TMPRSS12: variants seen among roughly 807,000 people sequenced by gnomAD.
The protein encoded by TMPRSS12 is transmembrane protease serine 12.
In TMPRSS12, 25 loss-of-function variants were observed where a neutral mutation model predicts 26.0. The observed-to-expected ratio is 0.96, with a 90% CI of 0.70 to 1.34. TMPRSS12 has a LOEUF of 1.34. TMPRSS12 is among the 40% of genes most tolerant of loss of function. The probability of loss-of-function intolerance (pLI) is 0.00; values close to 1 mark genes in which losing one functional copy is unlikely to be tolerated. For missense variants in TMPRSS12, 441 were observed against 440.1 expected (o/e 1.00, Z -0.02); for synonymous variants, 150 against 161.7 (o/e 0.93, Z 0.55).
intron 2 of TMPRSS12, among the ~76,000 whole-genome samples, chr12:50,854,780 A>G (rs958292836): frequency 3.3e-5 from 5 of 152,222 alleles, no homozygotes; most frequent in South Asian, 2.1e-4. Flanking sequence ...CTCTACAAAA[A>G]GAATTATAAA....
At chr12:50,851,735 A>G (rs77777050) in intron 2 of TMPRSS12, among the ~76,000 whole-genome samples, 10,606 of 152,290 alleles carry the variant, frequency 0.07, 403 homozygotes, top group Middle Eastern at 0.12. Flanking sequence ...TCCCCAAGAC[A>G]TATAGTCATC....
intron 4 of TMPRSS12, chr12:50,887,029 T>C: frequency 2.2e-6 from 1 of 452,992 alleles, no homozygotes; most frequent in Non-Finnish European, 3.9e-6. Context: ...ACCAGGCAGA[T>C]GAGAAATTTA....
chr12:50,857,430 C>G (rs1937888957), intron 2 of TMPRSS12, among the ~76,000 whole-genome samples: 1 of 106,882 alleles, frequency 9.4e-6, no homozygotes. Context: ...ATAAGAGTAC[C>G]CTTGTTCCTC....
At chr12:50,874,424 T>C (rs919574887) in intron 3 of TMPRSS12, among the ~76,000 whole-genome samples, 1 of 152,002 alleles carries the variant, frequency 6.6e-6, no homozygotes, top group African/African-American at 2.4e-5. Context: ...TGAAAATCAA[T>C]AAAATAAAAT....
intron 2 of TMPRSS12, among the ~76,000 whole-genome samples, chr12:50,851,152 C>G (rs1937822928): frequency 6.6e-6 from 1 of 152,198 alleles, no homozygotes; most frequent in Admixed American, 6.5e-5. Flanking sequence ...GCCAGAGTTT[C>G]TTCTTATCTC....
Position 50,847,004 on chromosome 12 carries a change from C to CAA in TMPRSS12, c.383+2977_383+2978dup, listed in dbSNP as rs533581364. ...TTTAGGATGGGTTTTTCTGTTTCTG[C>CAA]AAAAAAAAAAATGTCATTGGGATTT... On this transcript the variant is annotated intron_variant, in intron 2 of 4. Transcript: ENST00000398458. Among the ~76,000 whole-genome samples the CAA allele has an allele frequency of 3.6e-3, 455 of 124,974 alleles. 2 individuals carry two copies. Among genetic ancestry groups the CAA allele is most frequent in the Admixed American group, 6.7e-3 (81 of 12,008 alleles). The allele number at this position is 124,974 out of a possible 152,430, so 82.0% of individuals were successfully genotyped here.
At chr12:50,844,244 G>T (rs1003397011) in intron 2 of TMPRSS12, among the ~76,000 whole-genome samples, 1 of 151,984 alleles carries the variant, frequency 6.6e-6, no homozygotes. Flanking sequence ...TGTGCAGAAC[G>T]TGCAGGTTTG....
intron 3 of TMPRSS12, among the ~76,000 whole-genome samples, chr12:50,862,220 A>T (rs1370161682): frequency 6.6e-6 from 1 of 152,214 alleles, no homozygotes; most frequent in East Asian, 1.9e-4. Context: ...GCAACATGGT[A>T]GTTTACATGT....
At chr12:50,848,850 T>A (rs952303650) in intron 2 of TMPRSS12, among the ~76,000 whole-genome samples, 8 of 152,198 alleles carry the variant, frequency 5.3e-5, no homozygotes, top group African/African-American at 1.9e-4. Context: ...TATGAGTATA[T>A]AAGCACCAAT....
chr12:50,847,994 C>T (rs1366388732), intron 2 of TMPRSS12: 1 of 151,688 alleles, frequency 6.6e-6, no homozygotes, highest in Non-Finnish European at 1.5e-5. Context: ...ATATGAGGTA[C>T]GGGACTACTT....
Position 50,858,817 on chromosome 12 carries a change from C to A in TMPRSS12, c.416C>A (p.Thr139Asn). The change falls in exon 3 of 5, where the codon ACT becomes AAT. Residue 139 changes from threonine to asparagine, a missense_variant. Transcript: ENST00000398458. ...TTAATGTGGACAGCTGTGATTGGAA[C>A]TAATAATATACATGGACGCTATCCT... ...DPLMWTAVIG[T>N]NNIHGRYPHT... 1.2e-6 allele frequency: 2 copies of A among 1,604,290 alleles called. No homozygotes were observed. The highest frequency in any genetic ancestry group is 2.3e-5 in the South Asian group (2 of 88,752).
At chr12:50,879,739 A>C (rs1374477637) in intron 3 of TMPRSS12, among the ~76,000 whole-genome samples, 1 of 152,178 alleles carries the variant, frequency 6.6e-6, no homozygotes, top group African/African-American at 2.4e-5. Context: ...AGTCTGAGGC[A>C]GGTGGATCAC....
intron 2 of TMPRSS12, among the ~76,000 whole-genome samples, chr12:50,858,523 C>CT (rs1413931609): frequency 6.6e-6 from 1 of 152,136 alleles, no homozygotes; most frequent in African/African-American, 2.4e-5. Context: ...ATAATTCATT[C>CT]TTTTGTCCAT....
intron 3 of TMPRSS12, among the ~76,000 whole-genome samples, chr12:50,880,513 T>TA (rs1392900222): frequency 6.6e-6 from 1 of 152,206 alleles, no homozygotes; most frequent in Non-Finnish European, 1.5e-5. Flanking sequence ...CTGGAGCCCT[T>TA]ATACATTGCT....
At position 50,887,274 on chromosome 12, in the gene TMPRSS12, G is replaced by A. The variant is rs905349919; in HGVS notation, c.808G>A (p.Gly270Arg). 2 of 1,613,490 alleles carry A rather than the reference G, an allele frequency of 1.2e-6. No homozygotes were observed. Among genetic ancestry groups the A allele is most frequent in the Non-Finnish European group, 8.5e-7 (1 of 1,179,702 alleles). ...AFDTCRGDSG[G>R]PLMCYLPEYK... The stretch of plus-strand genomic sequence containing the variant: ...ACTTTTTTGACAGGGTGACAGTGGG[G>A]GACCATTAATGTGCTACTTACCAGA... Residue 270 changes from glycine (G) to arginine (R), a missense_variant, in exon 5 of 5, where the codon GGA (glycine) becomes AGA (arginine). By Grantham distance (125) the Gly-to-Arg change is moderately radical. Coordinates refer to ENST00000398458, the MANE Select transcript of TMPRSS12 (RefSeq NM_182559.3).
At chr12:50,863,392 C>T (rs1478527793) in intron 3 of TMPRSS12, among the ~76,000 whole-genome samples, 1 of 151,984 alleles carries the variant, frequency 6.6e-6, no homozygotes, top group Non-Finnish European at 1.5e-5. Flanking sequence ...TGAACATACA[C>T]TTACCATATG....
At chr12:50,876,973 T>C (rs1396666084) in intron 3 of TMPRSS12, among the ~76,000 whole-genome samples, 1 of 152,082 alleles carries the variant, frequency 6.6e-6, no homozygotes, top group Non-Finnish European at 1.5e-5. Context: ...AAATACTGCA[T>C]GTTCTCACTT....
chr12:50,863,880 G>A (rs1341536128), intron 3 of TMPRSS12, among the ~76,000 whole-genome samples: 1 of 152,148 alleles, frequency 6.6e-6, no homozygotes, highest in African/African-American at 2.4e-5. Context: ...TTTTGATACT[G>A]TATTTCAGTG....
rs371099538 is a variant in TMPRSS12 at position 50,844,077 on chromosome 12, GA to G, written c.383+41del. The G allele has an allele frequency of 5.7e-3, 8,305 of 1,460,256 alleles. 28 individuals carry two copies. The highest frequency in any genetic ancestry group is 0.01 in the Admixed American group (360 of 34,588). 90.5% of individuals were successfully genotyped at this position (1,460,256 alleles called of 1,614,324 possible). ...CACAACTATTTTTATGCTCTTAGGGGATATTTTGAAGTGATAGAGGACCATT... is the reference window on the plus strand; with the variant it reads ...CACAACTATTTTTATGCTCTTAGGGGTATTTTGAAGTGATAGAGGACCATT... On this transcript the variant is annotated intron_variant, in intron 2 of 4. Coordinates refer to ENST00000398458, the MANE Select transcript of TMPRSS12 (RefSeq NM_182559.3).
Sources: allele counts gnomAD v4.1 joint callset (sites outside exome capture counted in the v4.1 genomes callset), GRCh38; gene constraint gnomAD v4.1.1; transcripts MANE v1.5; gene names NCBI Gene and HGNC (gene_info 2026-07-23, HGNC 2026-07-21).